The following ASAH2 variants were observed in gnomAD, a reference collection of about 807,000 sequenced individuals.
The protein encoded by ASAH2 is neutral ceramidase.
ASAH2 carries 58 observed loss-of-function variants against 82.9 expected under a neutral mutation model. The observed-to-expected ratio is 0.70, with a 90% confidence interval of 0.57 to 0.87. The LOEUF (loss-of-function observed/expected upper bound fraction) is 0.87. ASAH2 is among the 40% of genes least tolerant of loss of function. The pLI, the probability that ASAH2 is intolerant of heterozygous loss-of-function variation, is 0.00. For missense variants in ASAH2, 779 were observed against 834.0 expected (o/e 0.93, Z 0.81); for synonymous variants, 276 against 289.7 (o/e 0.95, Z 0.48).
At chr10:50,199,407 C>G (rs1348944768) in intron 16 of ASAH2, among the ~76,000 whole-genome samples, 141,553 of 151,634 alleles carry the variant, frequency 0.93, 66,864 homozygotes, top group South Asian at 1. Flanking sequence ...CTATGAAAGA[C>G]GGTGCTAGCT....
intron 18 of ASAH2, among the ~76,000 whole-genome samples, chr10:50,195,037 A>G (rs1844938439): frequency 6.6e-6 from 1 of 151,474 alleles, no homozygotes; most frequent in Non-Finnish European, 1.5e-5. Context: ...AAGCAAAAAC[A>G]GACACATATT....
rs1380532168 is a variant in ASAH2 at position 50,193,190 on chromosome 10, T to A, written c.2005-478A>T. ...ACTAAAAAACTGGAAAAAATATATA[T>A]TAAACAATGGATTTTCAAGTGACAA... On this transcript the variant is annotated intron_variant, in intron 18 of 20. Transcript: ENST00000682911. Among the ~76,000 whole-genome samples the A allele has an allele frequency of 2.0e-5, 3 of 149,738 alleles. No homozygotes were observed. In the Admixed American group the frequency reaches 2.0e-4, roughly 10 times the overall value.
At chr10:50,204,364 G>T (rs1348510850) in intron 14 of ASAH2, among the ~76,000 whole-genome samples, 4 of 151,934 alleles carry the variant, frequency 2.6e-5, no homozygotes, top group Non-Finnish European at 5.9e-5. Context: ...AAGGTGTTGG[G>T]TAGAGTGTAC....
At chr10:50,215,968 A>G (rs1363482076) in intron 8 of ASAH2, among the ~76,000 whole-genome samples, 1 of 152,218 alleles carries the variant, frequency 6.6e-6, no homozygotes, top group Non-Finnish European at 1.5e-5. Context: ...ACACCATGGA[A>G]TACTATGCAG....
intron 12 of ASAH2, among the ~76,000 whole-genome samples, chr10:50,208,236 A>T (rs1845356500): frequency 1.3e-5 from 2 of 152,164 alleles, no homozygotes; most frequent in East Asian, 1.9e-4. Flanking sequence ...TTTCCATACT[A>T]TTAGGAACAA....
intron 18 of ASAH2, among the ~76,000 whole-genome samples, chr10:50,193,966 C>T (rs1468784533): frequency 1.1e-4 from 16 of 149,956 alleles, no homozygotes; most frequent in Admixed American, 1.1e-3. Flanking sequence ...AAAATTGATG[C>T]AAGGAAAAAA....
chr10:50,243,183 C>A lies in ASAH2; in HGVS notation c.510+19G>T. 6.2e-7 allele frequency: 1 copy of A among 1,611,994 alleles called. No individual in the cohort carries two copies. The highest frequency in any genetic ancestry group is 8.5e-7 in the Non-Finnish European group (1 of 1,179,084). ...AACCATATCATTTCTTCATTCATTT[C>A]TCCTCTCAAATCACTTACCTCCAGC... On this transcript the variant is annotated intron_variant, in intron 4 of 20. Transcript: ENST00000682911.
chr10:50,248,702 A>C, intron 1 of ASAH2, 56 bp from the exon 2 acceptor site: 8 of 1,329,354 alleles, frequency 6.0e-6, no homozygotes, highest in Non-Finnish European at 7.2e-6. Flanking sequence ...AACCGAGGTT[A>C]AGATATCTTA....
chr10:50,243,193 A>G lies in ASAH2; in HGVS notation c.510+9T>C, dbSNP rs1208971263. On this transcript the variant is annotated intron_variant, in intron 4 of 20. Coordinates refer to ENST00000682911, the MANE Select transcript of ASAH2 (RefSeq NM_019893.4). ...TTTCTTCATTCATTTCTCCTCTCAA[A>G]TCACTTACCTCCAGCCTGAGCCTTT... 1 of 1,613,044 alleles carries G rather than the reference A, an allele frequency of 6.2e-7. No individual in the cohort carries two copies. Among genetic ancestry groups the G allele is most frequent in the South Asian group, 1.1e-5 (1 of 90,702 alleles).
intron 7 of ASAH2, among the ~76,000 whole-genome samples, chr10:50,224,764 C>T (rs1323204501): frequency 6.6e-6 from 1 of 152,144 alleles, no homozygotes; most frequent in Non-Finnish European, 1.5e-5. Flanking sequence ...TTTTCACTCC[C>T]TCAAAATCAT....
At chr10:50,205,621 A>G (rs908521841) in intron 13 of ASAH2, among the ~76,000 whole-genome samples, 3,624 of 152,126 alleles carry the variant, frequency 0.024, 73 homozygotes, top group Middle Eastern at 0.12. Context: ...AGACAGGAAC[A>G]TGTTTTGTTT....
chr10:50,225,548 A>G (rs1300708059), intron 7 of ASAH2, among the ~76,000 whole-genome samples: 2 of 152,204 alleles, frequency 1.3e-5, no homozygotes, highest in African/African-American at 4.8e-5. Context: ...TCAAAGGAAA[A>G]CAACAGTGAT....
At chr10:50,203,233 T>G (rs1845203642) in intron 15 of ASAH2, among the ~76,000 whole-genome samples, 1 of 151,980 alleles carries the variant, frequency 6.6e-6, no homozygotes, top group Non-Finnish European at 1.5e-5. Context: ...AACAAGACAT[T>G]TTTGACATGT....
chr10:50,246,941 TA>T (rs1846473472), intron 2 of ASAH2, among the ~76,000 whole-genome samples: 1 of 152,142 alleles, frequency 6.6e-6, no homozygotes, highest in East Asian at 1.9e-4. Flanking sequence ...AAAATGAAAC[TA>T]ATGTAAACAG....
At chr10:50,249,059 A>G (rs1846548660) in intron 1 of ASAH2, among the ~76,000 whole-genome samples, 1 of 152,172 alleles carries the variant, frequency 6.6e-6, no homozygotes, top group South Asian at 2.1e-4. Context: ...TACTTCTTGT[A>G]TTTGGGAGAA....
rs1302154000 is a variant in ASAH2 at position 50,210,463 on chromosome 10, G to C, written c.1414+360C>G. On this transcript the variant is annotated intron_variant, in intron 12 of 20. Transcript: ENST00000682911. ...TGCAGTAAGCTGAGATGGTGCCACT[G>C]TACTCCAGCCTGGGTGACAAGAGCA... is the stretch of plus-strand genomic sequence containing the variant. Among the ~76,000 whole-genome samples the C allele has an allele frequency of 1.1e-4, 17 of 152,084 alleles. No homozygotes were observed. In the East Asian group the frequency reaches 3.3e-3, roughly 29 times the overall value.
intron 7 of ASAH2, among the ~76,000 whole-genome samples, chr10:50,219,640 A>G (rs1589338931): frequency 1.3e-5 from 2 of 152,370 alleles, no homozygotes; most frequent in South Asian, 4.1e-4. Context: ...GTTTTTGCTT[A>G]CATTCCTACC....
intron 7 of ASAH2, among the ~76,000 whole-genome samples, chr10:50,224,466 A>G (rs1390261829): frequency 6.6e-6 from 1 of 152,184 alleles, no homozygotes; most frequent in Non-Finnish European, 1.5e-5. Flanking sequence ...CAACACATGT[A>G]TATTCAACCC....
intron 18 of ASAH2, among the ~76,000 whole-genome samples, chr10:50,193,777 A>G (rs1844903954): frequency 6.6e-6 from 1 of 151,954 alleles, no homozygotes; most frequent in Non-Finnish European, 1.5e-5. Context: ...CAAATTACCA[A>G]AATTAGAAAG....
Sources: allele counts gnomAD v4.1 joint callset (sites outside exome capture counted in the v4.1 genomes callset), GRCh38; gene constraint gnomAD v4.1.1; transcripts MANE v1.5; gene names NCBI Gene and HGNC (gene_info 2026-07-23, HGNC 2026-07-21).